Variants in HECTD4 observed in about 807,000 individuals in gnomAD.
HECTD4 encodes the protein HECT domain E3 ubiquitin protein ligase 4, also known as probable E3 ubiquitin-protein ligase HECTD4.
In HECTD4, 114 loss-of-function variants were observed where a neutral mutation model predicts 471.5. The observed-to-expected ratio is 0.24, with a 90% CI of 0.21 to 0.28. The LOEUF (loss-of-function observed/expected upper bound fraction) is 0.28. HECTD4 is among the 10% of genes least tolerant of loss of function. The pLI is 1.00. For synonymous variants in HECTD4, 2,012 were observed against 2,256.0 expected (o/e 0.89, Z 3.07); for missense variants, 3,866 against 5,651.5 (o/e 0.68, Z 10.13).
intron 7 of HECTD4, among the ~76,000 whole-genome samples, chr12:112,296,074 TGTGA>T (rs1400432402): frequency 6.6e-6 from 1 of 152,176 alleles, no homozygotes; most frequent in Non-Finnish European, 1.5e-5. Flanking sequence ...ACTTGGTGTG[TGTGA>T]GTAACATGGA....
chr12:112,358,602 C>T (rs1204826320), intron 1 of HECTD4, among the ~76,000 whole-genome samples: 2 of 152,050 alleles, frequency 1.3e-5, no homozygotes, highest in Non-Finnish European at 2.9e-5. Flanking sequence ...ATAAATGTGC[C>T]TATCTGTCTA....
In HECTD4 at chr12:112,207,116, G is replaced by GTA. The variant is rs1555250153; in HGVS notation, c.8131+757_8131+758insTA. On this transcript the variant is annotated intron_variant, in intron 52 of 75. Coordinates refer to ENST00000682272, the MANE Select transcript of HECTD4 (RefSeq NM_001388303.1). ...TGTTTGTTTATGTATATGTGTGTGT[G>GTA]TGTATGTATGTATGTATGTATGTAT... 1.3e-3 allele frequency among the ~76,000 whole-genome samples: 189 copies of GTA among 147,450 alleles called. 1 individual carries two copies. The highest frequency in any genetic ancestry group is 0.01 in the Middle Eastern group (3 of 290).
intron 1 of HECTD4, among the ~76,000 whole-genome samples, chr12:112,337,568 C>T (rs1594056439): frequency 6.6e-6 from 1 of 152,086 alleles, no homozygotes; most frequent in East Asian, 1.9e-4. Flanking sequence ...CAACAAATCA[C>T]TGGATTATTT....
Position 112,193,861 on chromosome 12 carries a change from G to A in HECTD4, c.8750-187C>T, listed in dbSNP as rs897408706. On this transcript the variant is annotated intron_variant, in intron 56 of 75. Coordinates refer to ENST00000682272, the MANE Select transcript of HECTD4 (RefSeq NM_001388303.1). This position sits in a 1 kb window ranked among gnomAD's most constrained non-coding sequence, Gnocchi z 5.2. ...CACCAGGATGGTGGAGGGGGACCCA[G>A]GAGATCAATGGGCTTCATACTTTTG... 6.6e-6 allele frequency among the ~76,000 whole-genome samples: 1 copy of A among 152,178 alleles called. No homozygotes were observed. The highest frequency in any genetic ancestry group is 1.5e-5 in the Non-Finnish European group (1 of 68,022).
rs201183139 is a variant in HECTD4, at chr12:112,290,858, C to CA, written c.1336-7557dup. 2.7e-3 allele frequency among the ~76,000 whole-genome samples: 341 copies of CA among 125,334 alleles called. 13 individuals are homozygous for CA. Among genetic ancestry groups the CA allele is most frequent in the African/African-American group, 0.011 (326 of 30,462 alleles). 82.2% of individuals were successfully genotyped at this position (125,334 alleles called of 152,430 possible). On this transcript the variant is annotated intron_variant, in intron 7 of 75. Coordinates refer to ENST00000682272, the MANE Select transcript of HECTD4 (RefSeq NM_001388303.1). ...AGCGAAACTCCGTCTCAAAAAAAAA[C>CA]AAAACAAAAAAAAAAAACAAATCAC...
rs773349943 is a variant in HECTD4 at position 112,264,129 on chromosome 12, A to G, written c.2703T>C (p.Asn901=). The G allele has an allele frequency of 1.6e-5, 25 of 1,609,598 alleles. No individual in the cohort carries two copies. In the East Asian group the frequency reaches 5.4e-4, roughly 34 times the overall value. ...CCTGCAAGGAGCTGTCACTGTCATC[A>G]TTCTCATCAGGTTTAATCAAAATAG... ...SNTILIKPDE[N]DDSDSSLQGE... Residue 901 remains asparagine, a synonymous_variant, in exon 17 of 76, where the codon AAT becomes AAC. Transcript: ENST00000682272.
chr12:112,355,653 G>C (rs1194898058), intron 1 of HECTD4, among the ~76,000 whole-genome samples: 1 of 149,244 alleles, frequency 6.7e-6, no homozygotes, highest in African/African-American at 2.5e-5. Flanking sequence ...GATCCCAGCT[G>C]CTTGGGAGGC....
chr12:112,171,291 G>T, intron 67 of HECTD4, 28 bp from the exon 68 acceptor site: 1 of 1,580,586 alleles, frequency 6.3e-7, no homozygotes, highest in Non-Finnish European at 8.6e-7. Flanking sequence ...GTCAGGCTGA[G>T]ATCTCGGCCA....
intron 3 of HECTD4, among the ~76,000 whole-genome samples, chr12:112,313,481 A>ATTTTTTTTT (rs34438364): frequency 1.7e-5 from 1 of 58,916 alleles, no homozygotes; most frequent in Admixed American, 2.1e-4. Flanking sequence ...TGCCCGGCTA[A>ATTTTTTTTT]TTTTTTTTTT....
intron 1 of HECTD4, among the ~76,000 whole-genome samples, chr12:112,328,772 T>C (rs899396852): frequency 4.6e-5 from 7 of 152,188 alleles, no homozygotes; most frequent in Admixed American, 1.3e-4. Context: ...CATCTCTTAT[T>C]TGTAAAAAGG....
At chr12:112,281,433 A>T (rs1401802685) in intron 8 of HECTD4, among the ~76,000 whole-genome samples, 2 of 152,218 alleles carry the variant, frequency 1.3e-5, no homozygotes, top group Admixed American at 6.5e-5. Flanking sequence ...ATTTTCAACA[A>T]GCATTCTTTT....
At chr12:112,253,941 C>A (rs1337526319) in intron 22 of HECTD4, 102 bp downstream of exon 22, 4 of 1,327,926 alleles carry the variant, frequency 3.0e-6, no homozygotes, top group Non-Finnish European at 4.1e-6. Flanking sequence ...AACAAAAGCC[C>A]CCAGGGCAAA....
At chr12:112,261,575 A>G in intron 17 of HECTD4, 146 bp from the exon 18 acceptor site, 1 of 791,344 alleles carries the variant, frequency 1.3e-6, no homozygotes, top group Non-Finnish European at 1.9e-6. Flanking sequence ...AAATTCTGCT[A>G]GAAATAATGA....
Position 112,184,838 on chromosome 12 carries a change from G to C in HECTD4, c.10128C>G (p.Gly3376=). The part of the protein sequence containing the change: ...HLTRKDPQGL[G]VTSDAIADAC... ...CATCGGCGATGGCGTCACTCGTCAC[G>C]CCCAGCCCCTGTGGGTCCTTCCTGG... Residue 3376 remains glycine (G), a synonymous_variant, in exon 61 of 76, where the codon GGC becomes GGG. Transcript: ENST00000682272. This position sits in a 1 kb window ranked among gnomAD's most constrained non-coding sequence, Gnocchi z 9.1. 1.9e-6 allele frequency: 3 copies of C among 1,607,670 alleles called. No individual in the cohort carries two copies. The highest frequency in any genetic ancestry group is 2.6e-6 in the Non-Finnish European group (3 of 1,175,718).
At chr12:112,217,857 C>T (rs542189003) in intron 45 of HECTD4, among the ~76,000 whole-genome samples, 1 of 152,226 alleles carries the variant, frequency 6.6e-6, no homozygotes, top group African/African-American at 2.4e-5. Context: ...GCAGGGGAAC[C>T]ATGGTGACAC....
intron 62 of HECTD4, among the ~76,000 whole-genome samples, chr12:112,182,601 A>G (rs1032306566): frequency 7.9e-5 from 12 of 152,250 alleles, no homozygotes; most frequent in African/African-American, 2.7e-4. Flanking sequence ...AGAACAAAAT[A>G]AATACACTGC....
In HECTD4 at chr12:112,300,342, G is replaced by T. The variant is rs183797747; in HGVS notation, c.1335+5722C>A. ...AAAAAAAGAAAGAAAGAAAAAGAAA[G>T]AAACAAAAACAATTTCCCTCAGAAT... On this transcript the variant is annotated intron_variant, in intron 7 of 75. Coordinates refer to ENST00000682272, the MANE Select transcript of HECTD4 (RefSeq NM_001388303.1). Among the ~76,000 whole-genome samples, 3 of 150,234 alleles carry T rather than the reference G, an allele frequency of 2.0e-5. No individual in the cohort carries two copies. In the South Asian group the frequency reaches 6.4e-4, roughly 32 times the overall value.
rs745735461 is a variant in HECTD4, at chr12:112,250,326, C to T, written c.3768G>A (p.Pro1256=). The T allele has an allele frequency of 4.3e-6, 7 of 1,613,678 alleles. No individual in the cohort carries two copies. The highest frequency in any genetic ancestry group is 3.3e-5 in the South Asian group (3 of 91,060). The change falls in exon 25 of 76, where the codon CCG becomes CCA. Residue 1256 remains proline (P), a synonymous_variant. Transcript: ENST00000682272. ...TGGTCAGAGGCAGTGGAGAGGGGCT[C>T]GGAGTAAGGGCAGGGGAGATCACGC... is the stretch of plus-strand genomic sequence containing the variant. ...ANGVISPALT[P]SPSPLPLTIE... is the part of the protein sequence containing the mutation.
At chr12:112,217,528 A>AT (rs2032957469) in intron 45 of HECTD4, among the ~76,000 whole-genome samples, 1 of 152,042 alleles carries the variant, frequency 6.6e-6, no homozygotes, top group Non-Finnish European at 1.5e-5. Flanking sequence ...TAATTTTTGT[A>AT]TTTTTTGTAA....
Sources: allele counts gnomAD v4.1 joint callset (sites outside exome capture counted in the v4.1 genomes callset), GRCh38; gene constraint gnomAD v4.1.1; non-coding constraint Gnocchi (gnomAD v3.1); transcripts MANE v1.5; gene names NCBI Gene and HGNC (gene_info 2026-07-23, HGNC 2026-07-21).